TMCC1: variants seen among roughly 807,000 people sequenced by gnomAD.
TMCC1 encodes the protein transmembrane and coiled-coil domain family 1.
In TMCC1, 15 loss-of-function variants were observed where a neutral mutation model predicts 52.4. The ratio of observed to expected loss-of-function variants is 0.29; its 90% CI spans 0.19 to 0.44. TMCC1 has a LOEUF of 0.44. Ranked by LOEUF, TMCC1 falls within the 20% of genes least tolerant of loss-of-function variation. TMCC1 has a pLI of 1.00. For synonymous variants in TMCC1, 279 were observed against 301.9 expected (o/e 0.92, Z 0.79); for missense variants, 503 against 806.0 (o/e 0.62, Z 4.55).
At chr3:129,728,770 T>C (rs1214636970) in intron 4 of TMCC1, among the ~76,000 whole-genome samples, 1 of 152,194 alleles carries the variant, frequency 6.6e-6, no homozygotes, top group Non-Finnish European at 1.5e-5. Flanking sequence ...CCTTAACTTA[T>C]TCTTTTTCAC....
intron 4 of TMCC1, among the ~76,000 whole-genome samples, chr3:129,709,755 C>CT (rs1421111693): frequency 2.6e-5 from 4 of 152,024 alleles, no homozygotes; most frequent in African/African-American, 9.7e-5. Context: ...CCTCAGAAGA[C>CT]TGACACTCTC....
At chr3:129,661,518 CA>C in intron 5 of TMCC1, among the ~76,000 whole-genome samples, 1 of 152,186 alleles carries the variant, frequency 6.6e-6, no homozygotes, top group Non-Finnish European at 1.5e-5. Flanking sequence ...GGATCTGAAC[CA>C]ATTGGCTTGT....
intron 4 of TMCC1, among the ~76,000 whole-genome samples, chr3:129,750,676 G>A (rs1298916979): frequency 8.3e-5 from 12 of 144,992 alleles, no homozygotes; most frequent in South Asian, 2.2e-4. Flanking sequence ...CCGGGTTCAC[G>A]CCATTCTCCT....
chr3:129,778,016 G>A (rs1400618881), intron 4 of TMCC1, among the ~76,000 whole-genome samples: 1 of 152,092 alleles, frequency 6.6e-6, no homozygotes, highest in East Asian at 1.9e-4. Flanking sequence ...CTAAACTCTA[G>A]TGATCAAGGC....
At chr3:129,838,683 G>A (rs1379330739) in intron 2 of TMCC1, among the ~76,000 whole-genome samples, 2 of 149,492 alleles carry the variant, frequency 1.3e-5, no homozygotes, top group East Asian at 2.0e-4. Context: ...AACCTGGGAG[G>A]TGGAGGTTGC....
At chr3:129,806,255 A>T (rs2057458392) in intron 4 of TMCC1, among the ~76,000 whole-genome samples, 1 of 152,266 alleles carries the variant, frequency 6.6e-6, no homozygotes, top group Non-Finnish European at 1.5e-5. Context: ...ATAAACCTAC[A>T]CAGGCAGAGA....
chr3:129,825,144 C>T (rs1019036042), intron 4 of TMCC1, among the ~76,000 whole-genome samples: 1 of 152,218 alleles, frequency 6.6e-6, no homozygotes, highest in East Asian at 1.9e-4. Context: ...TGGTGGTCAA[C>T]AAAATGAATT....
At chr3:129,815,287 A>G (rs1335362735) in intron 4 of TMCC1, among the ~76,000 whole-genome samples, 2 of 152,328 alleles carry the variant, frequency 1.3e-5, no homozygotes, top group African/African-American at 2.4e-5. Context: ...GAAGACACTG[A>G]ATAGCCAAAG....
chr3:129,826,628 T>C (rs578154381), intron 4 of TMCC1, among the ~76,000 whole-genome samples: 30 of 152,260 alleles, frequency 2.0e-4, no homozygotes, highest in Admixed American at 2.0e-3. Flanking sequence ...CCATTATCTA[T>C]ATGTTTTAAA....
rs187325276 is a variant in TMCC1, at chr3:129,862,196, A to T, written c.-184+18113T>A. Among the ~76,000 whole-genome samples the T allele has an allele frequency of 4.2e-4, 64 of 152,354 alleles. 1 individual carries two copies. Among genetic ancestry groups the T allele is most frequent in the Non-Finnish European group, 1.3e-4 (9 of 68,022 alleles). On this transcript the variant is annotated intron_variant, in intron 2 of 6. Transcript: ENST00000393238. Reference sequence around the variant, plus strand: ...AAAGAACATAGATTAGAAGTTATACAGGGATAGAGCAGGTGGGGTGGAAAT... The same window carrying T: ...AAAGAACATAGATTAGAAGTTATACTGGGATAGAGCAGGTGGGGTGGAAAT...
chr3:129,744,085 T>C (rs1392784287), intron 4 of TMCC1, among the ~76,000 whole-genome samples: 1 of 152,220 alleles, frequency 6.6e-6, no homozygotes, highest in African/African-American at 2.4e-5. Context: ...TGACTGATAT[T>C]GTGTTCCATG....
chr3:129,760,108 T>C (rs1237552617), intron 4 of TMCC1, among the ~76,000 whole-genome samples: 1 of 152,126 alleles, frequency 6.6e-6, no homozygotes, highest in African/African-American at 2.4e-5. Flanking sequence ...CAGAGTTCCC[T>C]TATAACCCCT....
intron 4 of TMCC1, among the ~76,000 whole-genome samples, chr3:129,682,126 T>C (rs1416705577): frequency 1.3e-5 from 2 of 152,140 alleles, no homozygotes; most frequent in East Asian, 1.9e-4. Context: ...TGGAAACAAC[T>C]ACCTTATTTT....
At chr3:129,740,110 C>T (rs2051330829) in intron 4 of TMCC1, among the ~76,000 whole-genome samples, 1 of 152,242 alleles carries the variant, frequency 6.6e-6, no homozygotes, top group Admixed American at 6.5e-5. Flanking sequence ...CAGGTCTTTG[C>T]AATCTCTGAA....
intron 4 of TMCC1, among the ~76,000 whole-genome samples, chr3:129,723,360 C>CTTTTTT (rs62761061): frequency 4.6e-4 from 49 of 105,528 alleles, no homozygotes; most frequent in Non-Finnish European, 7.0e-4. Flanking sequence ...AAATCTTTTT[C>CTTTTTT]TTTTTTTTTT....
intron 4 of TMCC1, among the ~76,000 whole-genome samples, chr3:129,813,639 A>C (rs1441675917): frequency 6.6e-6 from 1 of 152,122 alleles, no homozygotes; most frequent in African/African-American, 2.4e-5. Flanking sequence ...ACCAGGGCCT[A>C]CTTGAGGGTG....
intron 4 of TMCC1, among the ~76,000 whole-genome samples, chr3:129,676,069 T>C (rs1419234615): frequency 1.4e-5 from 2 of 138,984 alleles, no homozygotes. Context: ...AAATTACAGA[T>C]GTTGTTATCA....
At chr3:129,776,447 T>C (rs1286236105) in intron 4 of TMCC1, among the ~76,000 whole-genome samples, 1 of 151,838 alleles carries the variant, frequency 6.6e-6, no homozygotes, top group Non-Finnish European at 1.5e-5. Flanking sequence ...CCAAAGAAAA[T>C]AGGTATTACC....
chr3:129,823,006 G>A (rs1350926208), intron 4 of TMCC1, among the ~76,000 whole-genome samples: 3 of 152,118 alleles, frequency 2.0e-5, no homozygotes, highest in Admixed American at 6.6e-5. Context: ...AAAATAAAAA[G>A]ATTTGCCATA....
Sources: gnomAD v4.1 joint callset for allele counts (sites outside exome capture counted in the v4.1 genomes callset) on GRCh38, gnomAD v4.1.1 for gene constraint, MANE v1.5 for transcripts, NCBI Gene and HGNC (gene_info 2026-07-23, HGNC 2026-07-21) for gene names.